Variants in PDE1C observed in about 807,000 individuals in gnomAD.
PDE1C encodes the protein phosphodiesterase 1C, also known as dual specificity calcium/calmodulin-dependent 3',5'-cyclic nucleotide phosphodiesterase 1C.
A neutral mutation model predicts 93.1 loss-of-function variants in PDE1C; 62 were observed. That is an observed-to-expected ratio of 0.67 (90% CI 0.54 to 0.82). PDE1C has a LOEUF of 0.82. Ranked by LOEUF, PDE1C falls within the 40% of genes least tolerant of loss-of-function variation. PDE1C has a pLI of 0.00. For synonymous variants in PDE1C, 325 were observed against 310.1 expected (o/e 1.05, Z -0.50); for missense variants, 742 against 884.6 (o/e 0.84, Z 2.04).
chr7:32,368,807 C>T (rs919590986), intron 1 of PDE1C, among the ~76,000 whole-genome samples: 4 of 152,002 alleles, frequency 2.6e-5, no homozygotes, highest in Non-Finnish European at 5.9e-5. Flanking sequence ...GAAACATAGA[C>T]CAATGGAACA....
At chr7:32,046,702 C>A (rs1584587643) in intron 2 of PDE1C, among the ~76,000 whole-genome samples, 1 of 152,036 alleles carries the variant, frequency 6.6e-6, no homozygotes, top group African/African-American at 2.4e-5. Context: ...TGAGGGACAC[C>A]TTTGTCTAAA....
At chr7:32,112,100 T>A (rs1028268203) in intron 3 of PDE1C, among the ~76,000 whole-genome samples, 1 of 152,184 alleles carries the variant, frequency 6.6e-6, no homozygotes, top group South Asian at 2.1e-4. Flanking sequence ...AAGGGAATCC[T>A]TGTATTGAAG....
At chr7:32,297,267 T>C (rs1029224799) in intron 1 of PDE1C, among the ~76,000 whole-genome samples, 10 of 152,152 alleles carry the variant, frequency 6.6e-5, no homozygotes, top group African/African-American at 1.2e-4. Flanking sequence ...GGTCTCTTCT[T>C]GGCCCTAGTA....
intron 1 of PDE1C, among the ~76,000 whole-genome samples, chr7:32,353,505 A>T: frequency 6.8e-6 from 1 of 146,200 alleles, no homozygotes; most frequent in African/African-American, 2.6e-5. Flanking sequence ...CTTTATTTTG[A>T]CTAATATATT....
At chr7:31,799,400 C>T (rs1049147495) in intron 16 of PDE1C, among the ~76,000 whole-genome samples, 2 of 151,496 alleles carry the variant, frequency 1.3e-5, no homozygotes, top group Non-Finnish European at 3.0e-5. Flanking sequence ...AATTAAATAC[C>T]ACTCAAGTGT....
chr7:31,946,239 G>A (rs1317511464), intron 2 of PDE1C, among the ~76,000 whole-genome samples: 3 of 152,162 alleles, frequency 2.0e-5, no homozygotes, highest in Non-Finnish European at 4.4e-5. Flanking sequence ...CTGAGGCAGG[G>A]CTTGCATCTC....
chr7:31,969,614 C>G (rs1162750137), intron 2 of PDE1C, among the ~76,000 whole-genome samples: 1 of 152,156 alleles, frequency 6.6e-6, no homozygotes, highest in African/African-American at 2.4e-5. Context: ...ACTAGAAATA[C>G]CATTTGACCC....
intron 3 of PDE1C, among the ~76,000 whole-genome samples, chr7:32,126,957 G>A (rs1799617963): frequency 6.6e-6 from 1 of 152,152 alleles, no homozygotes; most frequent in South Asian, 2.1e-4. Context: ...GTATACGTGT[G>A]AGAGTGTTTC....
chr7:32,377,128 T>C (rs1344468868), intron 1 of PDE1C, among the ~76,000 whole-genome samples: 1 of 151,790 alleles, frequency 6.6e-6, no homozygotes, highest in Non-Finnish European at 1.5e-5. Flanking sequence ...GGCTAGGGAA[T>C]GAAATGAAAA....
intron 2 of PDE1C, among the ~76,000 whole-genome samples, chr7:32,178,309 C>T (rs867303727): frequency 5.3e-5 from 8 of 152,254 alleles, no homozygotes; most frequent in Non-Finnish European, 7.4e-5. Context: ...AAGTACTCTC[C>T]TCTGTGAACT....
At position 31,850,844 on chromosome 7, in the gene PDE1C, T is replaced by C. The variant is rs1019320957; in HGVS notation, c.751-103A>G. 8.7e-6 allele frequency: 7 copies of C among 802,964 alleles called. No homozygotes were observed. The African/African-American group carries it at 1.2e-4, about 14-fold the overall frequency. 49.7% of individuals were successfully genotyped at this position (802,964 alleles called of 1,614,324 possible). A position where few individuals can be genotyped will look rare whatever the true frequency, so the allele number is the denominator to read the frequency against. On this transcript the variant is annotated intron_variant, in intron 7 of 17. Transcript: ENST00000396191. ...TGCTGCCTTTCTACCCTGCAGCTGG[T>C]AAGCTATTGCCAAACACAAGTTTTC... is the stretch of plus-strand genomic sequence containing the variant.
chr7:32,212,890 A>G (rs1369410237), intron 1 of PDE1C, among the ~76,000 whole-genome samples: 2 of 152,124 alleles, frequency 1.3e-5, no homozygotes, highest in African/African-American at 4.8e-5. Context: ...CTTAGAATAC[A>G]GTTTCTAATT....
At chr7:32,205,958 G>C (rs1188514759) in intron 2 of PDE1C, among the ~76,000 whole-genome samples, 2 of 152,130 alleles carry the variant, frequency 1.3e-5, no homozygotes, top group East Asian at 3.9e-4. Context: ...CACTCACCAG[G>C]TGGGTCCATG....
chr7:32,320,643 ACAC>A (rs1346823489), intron 1 of PDE1C, among the ~76,000 whole-genome samples: 2 of 152,098 alleles, frequency 1.3e-5, no homozygotes, highest in Non-Finnish European at 2.9e-5. Flanking sequence ...ACACACACAC[ACAC>A]ACTTCCACAT....
chr7:32,168,830 C>G (rs1337897097), intron 3 of PDE1C, among the ~76,000 whole-genome samples: 14 of 152,144 alleles, frequency 9.2e-5, no homozygotes, highest in East Asian at 1.9e-4. Context: ...ATGGCTCTCA[C>G]TGAGCAATTA....
At chr7:32,045,061 C>T (rs1791130821) in intron 2 of PDE1C, among the ~76,000 whole-genome samples, 2 of 137,310 alleles carry the variant, frequency 1.5e-5, no homozygotes, top group Admixed American at 1.4e-4. Flanking sequence ...GCCCCCCTCC[C>T]ACCCCCTCCC....
the PDE1C span, among the ~76,000 whole-genome samples, chr7:31,734,715 G>A: frequency 6.6e-6 from 1 of 152,106 alleles, no homozygotes; most frequent in Non-Finnish European, 1.5e-5. Flanking sequence ...TCATTTCAAG[G>A]CTTGAGAAGC....
chr7:32,083,698 A>G (rs901649753), intron 3 of PDE1C, among the ~76,000 whole-genome samples: 3 of 152,158 alleles, frequency 2.0e-5, no homozygotes, highest in African/African-American at 7.2e-5. Context: ...TCCAATATTC[A>G]ACATTCTTAA....
At chr7:31,892,591 G>A (rs1387523684) in intron 2 of PDE1C, among the ~76,000 whole-genome samples, 3 of 152,152 alleles carry the variant, frequency 2.0e-5, no homozygotes, top group African/African-American at 7.2e-5. Context: ...TGGCCATGAA[G>A]GGGTTGTAAA....
Sources: allele counts gnomAD v4.1 joint callset (sites outside exome capture counted in the v4.1 genomes callset), GRCh38; gene constraint gnomAD v4.1.1; transcripts MANE v1.5; gene names NCBI Gene and HGNC (gene_info 2026-07-23, HGNC 2026-07-21).